HS2ST1: variants seen among roughly 807,000 people sequenced by gnomAD.
The protein encoded by HS2ST1 is 2-O-sulfotransferase.
HS2ST1 carries 18 observed loss-of-function variants against 42.9 expected under a neutral mutation model. That is an observed-to-expected ratio of 0.42 (90% CI 0.29 to 0.62). The LOEUF (loss-of-function observed/expected upper bound fraction) is 0.62, where lower values mean the gene tolerates loss of function less well. Ranked by LOEUF, HS2ST1 falls within the 20% of genes least tolerant of loss-of-function variation. The pLI, the probability that HS2ST1 is intolerant of heterozygous loss-of-function variation, is 0.21. For missense variants in HS2ST1, 334 were observed against 433.8 expected (o/e 0.77, Z 2.04); for synonymous variants, 146 against 152.9 (o/e 0.95, Z 0.33).
intron 1 of HS2ST1, among the ~76,000 whole-genome samples, chr1:86,972,189 A>G (rs2102210464): frequency 6.6e-6 from 1 of 152,340 alleles, no homozygotes; most frequent in African/African-American, 2.4e-5. Context: ...GTGTTTACAT[A>G]TATACATACC....
At chr1:86,923,036 T>A (rs1468053998) in intron 1 of HS2ST1, among the ~76,000 whole-genome samples, 2 of 152,188 alleles carry the variant, frequency 1.3e-5, no homozygotes, top group Non-Finnish European at 2.9e-5. Context: ...TGTGTGTGTG[T>A]GTTGTTTTAG....
intron 1 of HS2ST1, among the ~76,000 whole-genome samples, chr1:87,048,859 A>G (rs1331738011): frequency 6.6e-6 from 1 of 152,100 alleles, no homozygotes; most frequent in African/African-American, 2.4e-5. Flanking sequence ...ATTTCACTAA[A>G]TGTTGTTAAT....
chr1:86,936,093 C>G (rs1329204753), intron 1 of HS2ST1, among the ~76,000 whole-genome samples: 1 of 152,074 alleles, frequency 6.6e-6, no homozygotes, highest in Non-Finnish European at 1.5e-5. Context: ...ACATTTCTCT[C>G]TGTCTCTTTG....
At chr1:86,933,915 CT>C (rs2102167487) in intron 1 of HS2ST1, among the ~76,000 whole-genome samples, 1 of 152,252 alleles carries the variant, frequency 6.6e-6, no homozygotes, top group Non-Finnish European at 1.5e-5. Context: ...CTAATAACTC[CT>C]TCATAAGTAG....
chr1:86,985,376 A>G (rs1466241951), intron 1 of HS2ST1, among the ~76,000 whole-genome samples: 1 of 55,700 alleles, frequency 1.8e-5, no homozygotes, highest in African/African-American at 4.1e-5. Flanking sequence ...AAGTATATAT[A>G]TATATATACA....
rs1248611933 is a variant in HS2ST1, at chr1:86,929,469, A to G, written c.124+14309A>G. ...ATTGTTATTTGCCTCCTTAAAGTAG[A>G]AATCTATTTGTTTTCATATAAATTC... On this transcript the variant is annotated intron_variant, in intron 1 of 6. Transcript: ENST00000370550. Among the ~76,000 whole-genome samples, 5 of 151,826 alleles carry G rather than the reference A, an allele frequency of 3.3e-5. No individual in the cohort carries two copies. In the East Asian group the frequency reaches 7.7e-4, roughly 23 times the overall value.
intron 1 of HS2ST1, among the ~76,000 whole-genome samples, chr1:86,955,640 A>C (rs1183735508): frequency 1.3e-5 from 2 of 152,176 alleles, no homozygotes; most frequent in Non-Finnish European, 2.9e-5. Context: ...ATATAAAGAA[A>C]TTGGACACTT....
chr1:87,053,931 G>A (rs1650896105), intron 1 of HS2ST1, among the ~76,000 whole-genome samples: 2 of 93,652 alleles, frequency 2.1e-5, no homozygotes, highest in African/African-American at 7.9e-5. Context: ...TTTTTTAACT[G>A]TGTACCTTCA....
chr1:86,963,963 C>G (rs575723893), intron 1 of HS2ST1, among the ~76,000 whole-genome samples: 1 of 148,276 alleles, frequency 6.7e-6, no homozygotes, highest in African/African-American at 2.5e-5. Context: ...CCAAATGGGT[C>G]GGCTGCCGGG....
At chr1:86,991,219 T>C (rs547699339) in intron 1 of HS2ST1, among the ~76,000 whole-genome samples, 43 of 152,026 alleles carry the variant, frequency 2.8e-4, no homozygotes, top group African/African-American at 1.0e-3. Flanking sequence ...ATGCCATCTG[T>C]TACAAAAAAA....
chr1:87,104,926 CCT>C lies in HS2ST1; in HGVS notation c.*232_*233del. On this transcript the variant is annotated 3_prime_UTR_variant, in exon 7 of 7. Transcript: ENST00000370550. ...GGCTAAACGTTGGTGAAAGTTATAA[CCT>C]CCTGCCTGGGAGAAAATATACATCA... is the stretch of plus-strand genomic sequence containing the variant. The C allele has an allele frequency of 2.2e-6, 1 of 446,064 alleles. No individual in the cohort carries two copies. The highest frequency in any genetic ancestry group is 3.6e-5 in the East Asian group (1 of 27,882). 27.6% of individuals were successfully genotyped at this position (446,064 alleles called of 1,614,324 possible). A position where few individuals can be genotyped will look rare whatever the true frequency, so the allele number is the denominator to read the frequency against.
intron 1 of HS2ST1, among the ~76,000 whole-genome samples, chr1:86,955,752 A>G (rs903837756): frequency 6.6e-6 from 1 of 152,218 alleles, no homozygotes; most frequent in Non-Finnish European, 1.5e-5. Flanking sequence ...TGGGAGGCCA[A>G]GGTGGGCGGA....
At chr1:87,084,378 A>C (rs1651765505) in intron 3 of HS2ST1, 99 bp downstream of exon 3, 2 of 714,584 alleles carry the variant, frequency 2.8e-6, no homozygotes, top group Non-Finnish European at 4.6e-6. Flanking sequence ...TAATAAAAGA[A>C]TGTACTGTCT....
intron 1 of HS2ST1, among the ~76,000 whole-genome samples, chr1:86,936,557 C>T (rs746640882): frequency 3.9e-5 from 6 of 152,120 alleles, no homozygotes; most frequent in Admixed American, 6.5e-5. Flanking sequence ...CTTACAACCT[C>T]CTAAGATAGG....
intron 2 of HS2ST1, among the ~76,000 whole-genome samples, chr1:87,082,097 A>G (rs1299650130): frequency 6.6e-6 from 1 of 152,214 alleles, no homozygotes; most frequent in Non-Finnish European, 1.5e-5. Flanking sequence ...AATTCAAAGG[A>G]TCATTAGAGG....
intron 1 of HS2ST1, among the ~76,000 whole-genome samples, chr1:86,990,830 ATATATATTTTT>A (rs1248598400): frequency 1.1e-4 from 2 of 18,594 alleles, no homozygotes; most frequent in South Asian, 6.4e-3. Flanking sequence ...ATATATATAT[ATATATATTTTT>A]TTTTTTTTTT....
At chr1:86,994,866 A>C (rs527976469) in intron 1 of HS2ST1, among the ~76,000 whole-genome samples, 1 of 152,248 alleles carries the variant, frequency 6.6e-6, no homozygotes, top group Non-Finnish European at 1.5e-5. Context: ...AGTTTTCTGG[A>C]AATCTGTTAA....
At chr1:87,002,438 CA>C (rs979094403) in intron 1 of HS2ST1, among the ~76,000 whole-genome samples, 2 of 151,396 alleles carry the variant, frequency 1.3e-5, no homozygotes, top group African/African-American at 4.8e-5. Flanking sequence ...ACAAAAATTA[CA>C]AAAAAATTAG....
chr1:86,947,437 G>T (rs536770400), intron 1 of HS2ST1, among the ~76,000 whole-genome samples: 28 of 152,134 alleles, frequency 1.8e-4, no homozygotes, highest in African/African-American at 6.0e-4. Flanking sequence ...TGTTGTTTGC[G>T]TATTACTTGC....
Sources: allele counts gnomAD v4.1 joint callset (sites outside exome capture counted in the v4.1 genomes callset), GRCh38; gene constraint gnomAD v4.1.1; transcripts MANE v1.5; gene names NCBI Gene and HGNC (gene_info 2026-07-23, HGNC 2026-07-21).